Variants in TBC1D8 observed in about 807,000 individuals in gnomAD.
TBC1D8 encodes the protein TBC1 domain family member 8, also known as BUB2-like protein 1.
Under a neutral mutation model 118.8 loss-of-function variants are expected in TBC1D8, and 65 were observed. That is an observed-to-expected ratio of 0.55 (90% CI 0.45 to 0.67). The LOEUF (loss-of-function observed/expected upper bound fraction) is 0.67, where lower values mean the gene tolerates loss of function less well. Among genes scored for constraint, TBC1D8 ranks in the 30% least tolerant of loss-of-function variants. The pLI is 0.00. For missense variants in TBC1D8, 1,376 were observed against 1,471.2 expected (o/e 0.94, Z 1.06); for synonymous variants, 566 against 595.8 (o/e 0.95, Z 0.73).
chr2:101,067,012 G>A (rs961171386), intron 2 of TBC1D8, among the ~76,000 whole-genome samples: 27 of 150,058 alleles, frequency 1.8e-4, no homozygotes, highest in Admixed American at 7.3e-4. Flanking sequence ...TTAAGTGTGC[G>A]ATTGCATTAT....
At chr2:101,131,470 G>A (rs971856127) in intron 1 of TBC1D8, among the ~76,000 whole-genome samples, 2 of 151,184 alleles carry the variant, frequency 1.3e-5, no homozygotes, top group African/African-American at 2.4e-5. Flanking sequence ...AGCCCAGTGC[G>A]CTATTGCAGT....
chr2:101,112,515 A>G (rs1677652647), intron 1 of TBC1D8, among the ~76,000 whole-genome samples: 1 of 152,220 alleles, frequency 6.6e-6, no homozygotes, highest in Non-Finnish European at 1.5e-5. Flanking sequence ...ACAGTCTTCA[A>G]ATGAAATGCC....
Position 101,054,672 on chromosome 2 carries a change from C to CTTTTTTTTTTTTTTTTTTT in TBC1D8, c.403-355_403-337dup, listed in dbSNP as rs34465252. On this transcript the variant is annotated intron_variant, in intron 3 of 19. Transcript: ENST00000409318. Reference sequence around the variant, plus strand: ...ACAAACAATCATTTTCTTTTCTTTTCTTTTTTTTTTTTTTTTTTTTTTTTT... The same window carrying CTTTTTTTTTTTTTTTTTTT: ...ACAAACAATCATTTTCTTTTCTTTTCTTTTTTTTTTTTTTTTTTTTTTTTTTTTTTTTTTTTTTTTTTTT... 2.0e-3 allele frequency among the ~76,000 whole-genome samples: 52 copies of CTTTTTTTTTTTTTTTTTTT among 25,396 alleles called. 1 individual carries two copies. Among genetic ancestry groups the CTTTTTTTTTTTTTTTTTTT allele is most frequent in the East Asian group, 7.7e-3 (5 of 648 alleles). 16.7% of individuals were successfully genotyped at this position (25,396 alleles called of 152,430 possible). A position where few individuals can be genotyped will look rare whatever the true frequency, so the allele number is the denominator to read the frequency against.
At chr2:101,117,390 C>A (rs998754738) in intron 1 of TBC1D8, among the ~76,000 whole-genome samples, 2 of 152,106 alleles carry the variant, frequency 1.3e-5, no homozygotes, top group African/African-American at 4.8e-5. Flanking sequence ...TCTCACCCAG[C>A]CAATCTTTCT....
At chr2:101,150,885 G>A (rs115777171) in intron 1 of TBC1D8, among the ~76,000 whole-genome samples, 8,095 of 152,220 alleles carry the variant, frequency 0.053, 319 homozygotes, top group Middle Eastern at 0.12. Flanking sequence ...GGGCCAGGCG[G>A]CGAAGACACC....
chr2:101,097,443 G>A (rs111568242), intron 1 of TBC1D8, among the ~76,000 whole-genome samples: 1,674 of 151,710 alleles, frequency 0.011, 32 homozygotes, highest in African/African-American at 0.037. Context: ...AAAGATAATC[G>A]TCTAAAGTAG....
chr2:101,023,230 C>T (rs1449401613), intron 15 of TBC1D8, among the ~76,000 whole-genome samples: 11 of 151,782 alleles, frequency 7.2e-5, no homozygotes, highest in Middle Eastern at 3.4e-3. Flanking sequence ...CTGCAACCTC[C>T]GCCTCCAAGG....
Position 101,040,305 on chromosome 2 carries a change from A to T in TBC1D8, c.953T>A (p.Val318Glu), listed in dbSNP as rs1681302737. 1.2e-6 allele frequency: 2 copies of T among 1,614,038 alleles called. No individual in the cohort carries two copies. Among genetic ancestry groups the T allele is most frequent in the African/African-American group, 2.7e-5 (2 of 75,064 alleles). The change falls in exon 6 of 20, where the codon GTG becomes GAG. Residue 318 changes from valine to glutamate, a missense_variant. Physicochemically the swap from Val to Glu is moderately radical, Grantham distance 121. Coordinates refer to ENST00000409318, the MANE Select transcript of TBC1D8 (RefSeq NM_001330348.2). ...GAACGGCGTCCAGAGCGAACAGTCC[A>T]CAACCGCGTGCAGCTTCTCCTTCCT... ...LPRKEKLHAV[V>E]DCSLWTPFSR...
In TBC1D8 at chr2:101,050,596, G is replaced by A. The variant is rs1404729374; in HGVS notation, c.677C>T (p.Thr226Met). 15 of 1,613,746 alleles carry A rather than the reference G, an allele frequency of 9.3e-6. No homozygotes were observed. The highest frequency in any genetic ancestry group is 5.5e-5 in the South Asian group (5 of 91,084). Residue 226 changes from threonine to methionine, a missense_variant, in exon 5 of 20, where the codon ACG becomes ATG. Thr to Met is a moderately conservative substitution (Grantham distance 81). Transcript: ENST00000409318. ...GGTATCCGTCAGAAAGACATTGGAC[G>A]TTCTTTCTAATTTCTGGATATCAAC... is the stretch of plus-strand genomic sequence containing the variant. ...PWVDIQKLER[T>M]SNVFLTDTIR...
chr2:101,120,160 C>T (rs570580646), intron 1 of TBC1D8, among the ~76,000 whole-genome samples: 2 of 152,292 alleles, frequency 1.3e-5, no homozygotes, highest in South Asian at 4.2e-4. Flanking sequence ...CAGACCAGGA[C>T]AGAGAGCAGC....
chr2:101,047,767 T>C (rs1280450092), intron 5 of TBC1D8, among the ~76,000 whole-genome samples: 1 of 152,182 alleles, frequency 6.6e-6, no homozygotes, highest in Admixed American at 6.5e-5. Flanking sequence ...TCTCCCCTCT[T>C]CTTTCTGATA....
intron 17 of TBC1D8, among the ~76,000 whole-genome samples, chr2:101,011,774 G>T (rs1280055331): frequency 6.6e-6 from 1 of 152,162 alleles, no homozygotes; most frequent in African/African-American, 2.4e-5. Flanking sequence ...GGAGACTGTT[G>T]TAATTAACAA....
intron 9 of TBC1D8, among the ~76,000 whole-genome samples, chr2:101,034,707 G>A (rs990131484): frequency 1.3e-5 from 2 of 152,368 alleles, no homozygotes; most frequent in East Asian, 1.9e-4. Flanking sequence ...GCAGTGACAC[G>A]CCTCACAATC....
intron 2 of TBC1D8, among the ~76,000 whole-genome samples, chr2:101,087,379 G>A (rs529146106): frequency 2.4e-3 from 359 of 151,816 alleles, no homozygotes; most frequent in African/African-American, 8.2e-3. Context: ...GCTCACACCT[G>A]TAATCCCAGC....
At chr2:101,022,189 T>C in intron 16 of TBC1D8, 92 bp downstream of exon 16, 1 of 1,571,540 alleles carries the variant, frequency 6.4e-7, no homozygotes, top group South Asian at 1.2e-5. Flanking sequence ...TGTTACACCA[T>C]GTGCATCTGC....
chr2:101,051,203 G>A (rs568322897), intron 4 of TBC1D8, among the ~76,000 whole-genome samples: 166 of 152,294 alleles, frequency 1.1e-3, no homozygotes, highest in African/African-American at 3.8e-3. Flanking sequence ...ATTGTGAATA[G>A]TGCTGCAATG....
chr2:101,106,199 T>C (rs924712545), intron 1 of TBC1D8, among the ~76,000 whole-genome samples: 5 of 152,108 alleles, frequency 3.3e-5, no homozygotes, highest in African/African-American at 7.2e-5. Flanking sequence ...GAAAGACAAG[T>C]GGCTGCTAGA....
intron 1 of TBC1D8, chr2:101,109,919 C>T (rs1303192425): frequency 1.0e-6 from 1 of 985,382 alleles, no homozygotes; most frequent in East Asian, 1.1e-4. Flanking sequence ...GGAATGAGGC[C>T]CCACTCAAGG....
chr2:101,040,428 G>A (rs1320216092), intron 5 of TBC1D8, 43 bp from the exon 6 acceptor site: 1 of 1,521,530 alleles, frequency 6.6e-7, no homozygotes, highest in Non-Finnish European at 8.9e-7. Flanking sequence ...TAGGAAAGGT[G>A]AATGGACAGC....
Sources: allele counts gnomAD v4.1 joint callset (sites outside exome capture counted in the v4.1 genomes callset), GRCh38; gene constraint gnomAD v4.1.1; transcripts MANE v1.5; gene names NCBI Gene and HGNC (gene_info 2026-07-23, HGNC 2026-07-21).